The following CEP72 variants were observed in gnomAD, a reference collection of about 807,000 sequenced individuals.
CEP72 encodes the protein centrosomal protein 72.
Under a neutral mutation model 65.7 loss-of-function variants are expected in CEP72, and 78 were observed. The ratio of observed to expected loss-of-function variants is 1.19; its 90% CI spans 0.99 to 1.43. The LOEUF is 1.43. Ranked by LOEUF, CEP72 falls within the 40% of genes most tolerant of loss-of-function variation. The pLI, the probability that CEP72 is intolerant of heterozygous loss-of-function variation, is 0.00. For synonymous variants in CEP72, 358 were observed against 351.7 expected, an observed-to-expected ratio of 1.02 and a Z score of -0.20; for missense variants, 914 against 832.9, an observed-to-expected ratio of 1.10 and a Z score of -1.20.
chr5:621,203 CATGCACCGCTGTTCGAAA>C (rs1736367646), intron 3 of CEP72, among the ~76,000 whole-genome samples: 1 of 152,214 alleles, frequency 6.6e-6, no homozygotes, highest in Non-Finnish European at 1.5e-5. Context: ...TCAGACCTAC[CATGCACCGCTGTTCGAAA>C]GCTGCCCCTC....
chr5:663,873 T>C (rs1739788136), intron 2 of CEP72: 1 of 152,380 alleles, frequency 6.6e-6, no homozygotes, highest in East Asian at 1.9e-4. Context: ...AGTGGCAGTG[T>C]GCCATTGTGA....
intron 1 of CEP72, chr5:663,113 G>A (rs1037742239): frequency 7.2e-6 from 1 of 139,660 alleles, no homozygotes; most frequent in Non-Finnish European, 1.5e-5. Context: ...GTGGCCGCTC[G>A]TCTGTGATCG....
In CEP72 at chr5:623,339, C is replaced by G. The variant is rs546753555; in HGVS notation, c.404-1132C>G. On this transcript the variant is annotated intron_variant, in intron 3 of 11. Coordinates refer to ENST00000264935, the MANE Select transcript of CEP72 (RefSeq NM_018140.4). The surrounding 1 kb of genome is among the most constrained non-coding windows in gnomAD (Gnocchi z 5.3). ...GACGGCCTGCTGCCCTGCGTGGTGC[C>G]TCCTGGAGTGGGCTCGGTCCTTGGC... Among the ~76,000 whole-genome samples, 13 of 152,366 alleles carry G rather than the reference C, an allele frequency of 8.5e-5. No individual in the cohort carries two copies. In the South Asian group the frequency reaches 2.7e-3, roughly 32 times the overall value.
intron 4 of CEP72, among the ~76,000 whole-genome samples, chr5:627,272 T>A (rs1239657720): frequency 1.3e-5 from 2 of 152,268 alleles, no homozygotes; most frequent in African/African-American, 4.8e-5. Flanking sequence ...AGATAGATGT[T>A]CATCACATTC....
chr5:667,939 G>T (rs77903458), downstream of CEP72, among the ~76,000 whole-genome samples: 12 of 59,412 alleles, frequency 2.0e-4, no homozygotes, highest in African/African-American at 3.9e-4. Flanking sequence ...CAGAGAGGGG[G>T]CCGTGTGGGC....
intron 1 of CEP72, chr5:663,245 G>C (rs75273371): frequency 0.023 from 3,512 of 152,380 alleles, 46 homozygotes; most frequent in African/African-American, 0.03. Context: ...ATTCAGAGTT[G>C]TTTTCAAATG....
chr5:653,411 T>A lies in CEP72; in HGVS notation c.*258T>A, dbSNP rs1739240727. The A allele has an allele frequency of 2.9e-6, 1 of 349,702 alleles. No homozygotes were observed. The highest frequency in any genetic ancestry group is 5.1e-6 in the Non-Finnish European group (1 of 194,482). The allele number at this position is 349,702 out of a possible 1,614,324, so 21.7% of individuals were successfully genotyped here. A position where few individuals can be genotyped will look rare whatever the true frequency, so the allele number is the denominator to read the frequency against. ...TATTTTGAGACAAACTGACTATTAA[T>A]CTTGTATCCAGTATCCTGAGATGAA... On this transcript the variant is annotated 3_prime_UTR_variant, in exon 12 of 12. Transcript: ENST00000264935.
At chr5:669,392 T>C (rs977450457), downstream of CEP72, among the ~76,000 whole-genome samples, 4 of 152,098 alleles carry the variant, frequency 2.6e-5, no homozygotes. Flanking sequence ...TTCCCTGTGG[T>C]GCTAGAAGAG....
chr5:672,584 G>C, the CEP72 span, among the ~76,000 whole-genome samples: 1 of 152,222 alleles, frequency 6.6e-6, no homozygotes, highest in South Asian at 2.1e-4. Flanking sequence ...CTCGCCCAGA[G>C]GCTGGTGGTG....
chr5:665,556 C>T (rs74553517), intron 3 of CEP72, among the ~76,000 whole-genome samples: 20,285 of 151,784 alleles, frequency 0.13, 1,735 homozygotes, highest in Admixed American at 0.19. Context: ...ACCACCTGCA[C>T]CCTCAGAGGG....
At chr5:676,146 C>T in the CEP72 span, 1 of 152,258 alleles carries the variant, frequency 6.6e-6, no homozygotes, top group Non-Finnish European at 1.5e-5. Context: ...GTTCAGGCAT[C>T]CTTCTGAGCA....
Position 653,069 on chromosome 5 carries a change from G to A in CEP72, c.1860G>A (p.Met620Ile). The change falls in exon 12 of 12, where the codon ATG (methionine) becomes ATA (isoleucine). Residue 620 changes from methionine to isoleucine, a missense_variant. Physicochemically the swap from Met to Ile is conservative, Grantham distance 10. Coordinates refer to ENST00000264935, the MANE Select transcript of CEP72 (RefSeq NM_018140.4). ...AGCACAGAGCCGAGGTGGAGCAGAT[G>A]CACTGGAGCTACCAGGAGCTCAAGA... ...RAQHRAEVEQMHWSYQELKKT... is the reference protein window; with the variant it reads ...RAQHRAEVEQIHWSYQELKKT... The A allele has an allele frequency of 2.5e-6, 4 of 1,613,878 alleles. No homozygotes were observed. Among genetic ancestry groups the A allele is most frequent in the Non-Finnish European group, 3.4e-6 (4 of 1,180,018 alleles).
At chr5:646,194 C>G (rs1229711501) in intron 10 of CEP72, among the ~76,000 whole-genome samples, 1 of 151,964 alleles carries the variant, frequency 6.6e-6, no homozygotes, top group African/African-American at 2.4e-5. Context: ...GTTGGACTTT[C>G]TGTTAGACTC....
chr5:629,501 A>C (rs1697989), intron 4 of CEP72, among the ~76,000 whole-genome samples: 5,104 of 60,498 alleles, frequency 0.084, 107 homozygotes, highest in East Asian at 0.14. Flanking sequence ...CGGGATTTGG[A>C]CCAGTCCTGG....
In CEP72 at chr5:647,903, C is replaced by T. The variant is rs1314365395; in HGVS notation, c.1765C>T (p.Gln589Ter). Reference protein sequence around the residue: ...DKIQELTQMLQESHSSLVSTN... With the variant: ...DKIQELTQML ...GATCCAGGAGCTCACGCAGATGCTG[C>T]AGGAGAGCCACAGGTGCCTGCCCGT... The change falls in exon 11 of 12, where the codon CAG becomes TAG. Residue 589 changes from glutamine (Q) to a stop codon, truncating the protein, a stop_gained. Transcript: ENST00000264935. LOFTEE classifies it high-confidence loss of function. 8.1e-6 allele frequency: 13 copies of T among 1,610,872 alleles called. No individual in the cohort carries two copies. Among genetic ancestry groups the T allele is most frequent in the African/African-American group, 1.3e-5 (1 of 74,958 alleles).
chr5:644,529 G>T (rs1012154385), intron 10 of CEP72, 104 bp downstream of exon 10: 27 of 1,354,490 alleles, frequency 2.0e-5, no homozygotes, highest in Non-Finnish European at 2.8e-5. Flanking sequence ...AGCAGCAGCA[G>T]ACGCAGTTGG....
exon 4 of CEP72, chr5:666,074 C>G: frequency 6.2e-7 from 1 of 1,612,536 alleles, no homozygotes; most frequent in Non-Finnish European, 8.5e-7. Context: ...GCGAGCTCCT[C>G]CAGCGCCTCC....
downstream of CEP72, among the ~76,000 whole-genome samples, chr5:668,062 C>A (rs373455690): frequency 1.0e-4 from 3 of 29,258 alleles, no homozygotes; most frequent in Non-Finnish European, 1.6e-4. Flanking sequence ...AGGGAAGTAC[C>A]GACAAGCACA....
At chr5:616,829 T>TGCGC (rs1161557811) in intron 1 of CEP72, among the ~76,000 whole-genome samples, 3 of 149,486 alleles carry the variant, frequency 2.0e-5, no homozygotes, top group Non-Finnish European at 3.0e-5. Flanking sequence ...TGTGTGTGTG[T>TGCGC]GTGCGCGCGA....
Sources: allele counts gnomAD v4.1 joint callset (sites outside exome capture counted in the v4.1 genomes callset), GRCh38; gene constraint gnomAD v4.1.1; non-coding constraint Gnocchi (gnomAD v3.1); transcripts MANE v1.5; gene names NCBI Gene and HGNC (gene_info 2026-07-23, HGNC 2026-07-21).